Variants in CTNNA3 observed in about 807,000 individuals in gnomAD.
The protein encoded by CTNNA3 is catenin alpha-3.
Under a neutral mutation model 95.7 loss-of-function variants are expected in CTNNA3, and 76 were observed. The ratio of observed to expected loss-of-function variants is 0.79; its 90% CI spans 0.66 to 0.96. CTNNA3 has a LOEUF of 0.96. Among genes scored for constraint, CTNNA3 ranks in the 40% least tolerant of loss-of-function variants. The probability of loss-of-function intolerance (pLI) is 0.00; values close to 1 mark genes in which losing one functional copy is unlikely to be tolerated. For synonymous variants in CTNNA3, 431 were observed against 374.4 expected, an observed-to-expected ratio of 1.15 and a Z score of -1.74; for missense variants, 1,191 against 1,089.8, an observed-to-expected ratio of 1.09 and a Z score of -1.31.
chr10:65,948,293 A>AG (rs1404034676), intron 17 of CTNNA3, among the ~76,000 whole-genome samples: 5 of 150,308 alleles, frequency 3.3e-5, no homozygotes, highest in African/African-American at 1.2e-4. Context: ...AAAAAAAAAA[A>AG]AAAAAAGAAA....
intron 12 of CTNNA3, among the ~76,000 whole-genome samples, chr10:66,299,214 A>G (rs1465235052): frequency 2.0e-5 from 3 of 152,156 alleles, no homozygotes; most frequent in African/African-American, 4.8e-5. Flanking sequence ...TGTTCTCACC[A>G]TCTTAGATGC....
At chr10:67,597,430 A>G (rs564060945) in intron 3 of CTNNA3, among the ~76,000 whole-genome samples, 1 of 152,126 alleles carries the variant, frequency 6.6e-6, no homozygotes, top group South Asian at 2.1e-4. Context: ...CTTTGGATCG[A>G]GCTTTTTGCT....
At chr10:67,310,635 C>T (rs1185394315) in intron 5 of CTNNA3, among the ~76,000 whole-genome samples, 1 of 152,178 alleles carries the variant, frequency 6.6e-6, no homozygotes, top group African/African-American at 2.4e-5. Flanking sequence ...AGGAAACTTA[C>T]AATCATGGCA....
intron 17 of CTNNA3, among the ~76,000 whole-genome samples, chr10:65,922,043 G>C (rs551559498): frequency 5.3e-4 from 81 of 152,242 alleles, no homozygotes; most frequent in African/African-American, 1.9e-3. Flanking sequence ...GGAACTGGAA[G>C]GTCTGGTGAC....
chr10:66,096,786 A>T (rs938700153), intron 14 of CTNNA3, among the ~76,000 whole-genome samples: 10 of 152,014 alleles, frequency 6.6e-5, no homozygotes, highest in African/African-American at 9.7e-5. Flanking sequence ...AGCCTCCCAA[A>T]GTGCTGGGAT....
rs10997666 is a variant in CTNNA3 at position 67,491,552 on chromosome 10, T to C, written c.579+30290A>G. On this transcript the variant is annotated intron_variant, in intron 5 of 17. Coordinates refer to ENST00000433211, the MANE Select transcript of CTNNA3 (RefSeq NM_013266.4). ...CAGGAGGAAAATAATCATGCAGCTG[T>C]AACAGTATATGCAAAGGCATGAAGT... is the stretch of plus-strand genomic sequence containing the variant. 3.2e-3 allele frequency among the ~76,000 whole-genome samples: 481 copies of C among 152,264 alleles called. 2 individuals are homozygous for C. Among genetic ancestry groups the C allele is most frequent in the African/African-American group, 0.011 (465 of 41,562 alleles).
At chr10:67,566,443 G>T (rs1477945394) in intron 3 of CTNNA3, among the ~76,000 whole-genome samples, 1 of 152,050 alleles carries the variant, frequency 6.6e-6, no homozygotes, top group African/African-American at 2.4e-5. Flanking sequence ...CTGGCCATCA[G>T]AGAAATGCAA....
intron 9 of CTNNA3, among the ~76,000 whole-genome samples, chr10:66,728,873 C>A (rs1385601834): frequency 2.0e-5 from 3 of 152,176 alleles, no homozygotes; most frequent in Admixed American, 6.5e-5. Flanking sequence ...CAGGCATGAG[C>A]CATGGCATCC....
At chr10:67,145,056 C>G in intron 7 of CTNNA3, among the ~76,000 whole-genome samples, 1 of 151,996 alleles carries the variant, frequency 6.6e-6, no homozygotes, top group Non-Finnish European at 1.5e-5. Context: ...TAAGCAGGCC[C>G]AAGGAGAAGG....
intron 15 of CTNNA3, among the ~76,000 whole-genome samples, chr10:66,064,803 T>C (rs1161643888): frequency 6.6e-6 from 1 of 152,234 alleles, no homozygotes; most frequent in Non-Finnish European, 1.5e-5. Flanking sequence ...AAAGTAAGCT[T>C]ATGCTTACTT....
At chr10:67,260,946 A>C (rs530474720) in intron 5 of CTNNA3, among the ~76,000 whole-genome samples, 29 of 152,194 alleles carry the variant, frequency 1.9e-4, no homozygotes, top group Non-Finnish European at 3.1e-4. Flanking sequence ...TGGCCTCCCA[A>C]AGTGCTAGGA....
At chr10:67,513,083 G>A (rs560289133) in intron 5 of CTNNA3, among the ~76,000 whole-genome samples, 35 of 152,106 alleles carry the variant, frequency 2.3e-4, no homozygotes, top group Admixed American at 1.7e-3. Context: ...CAGTATATTC[G>A]CATGTATAGA....
chr10:66,116,286 G>A (rs1276865299), intron 13 of CTNNA3, among the ~76,000 whole-genome samples: 3 of 152,038 alleles, frequency 2.0e-5, no homozygotes, highest in African/African-American at 7.2e-5. Context: ...AACTTAATGT[G>A]GAGAATTGTT....
At chr10:67,206,478 G>A (rs993597807) in intron 6 of CTNNA3, among the ~76,000 whole-genome samples, 2 of 152,032 alleles carry the variant, frequency 1.3e-5, no homozygotes, top group East Asian at 1.9e-4. Flanking sequence ...ATATGTAAAT[G>A]TGCAAATGTT....
intron 11 of CTNNA3, among the ~76,000 whole-genome samples, chr10:66,389,724 GGA>G (rs3980751): frequency 0.022 from 3,245 of 145,296 alleles, 75 homozygotes; most frequent in African/African-American, 0.059. Flanking sequence ...ATATATATAT[GGA>G]GAGAGAGAGA....
chr10:66,112,191 C>A (rs1215978650), intron 13 of CTNNA3, among the ~76,000 whole-genome samples: 1 of 152,084 alleles, frequency 6.6e-6, no homozygotes, highest in Non-Finnish European at 1.5e-5. Flanking sequence ...GTTATAGCCA[C>A]CAGAGGGAGA....
intron 3 of CTNNA3, among the ~76,000 whole-genome samples, chr10:67,560,496 A>T (rs560879707): frequency 2.1e-3 from 321 of 152,334 alleles, no homozygotes; most frequent in Non-Finnish European, 3.3e-3. Flanking sequence ...AGCACTAAAC[A>T]TGGAAAGGAA....
intron 16 of CTNNA3, among the ~76,000 whole-genome samples, chr10:65,985,815 T>G (rs2078416009): frequency 6.6e-6 from 1 of 151,458 alleles, no homozygotes; most frequent in Admixed American, 6.6e-5. Flanking sequence ...GTATCCAAAT[T>G]GGAAAGGAGG....
chr10:67,075,500 T>C (rs539892506), intron 7 of CTNNA3, among the ~76,000 whole-genome samples: 2 of 152,196 alleles, frequency 1.3e-5, no homozygotes, highest in South Asian at 4.1e-4. Context: ...AAAGGTGAAG[T>C]TGGAAATACT....
Sources: allele counts gnomAD v4.1 joint callset (sites outside exome capture counted in the v4.1 genomes callset), GRCh38; gene constraint gnomAD v4.1.1; transcripts MANE v1.5; gene names NCBI Gene and HGNC (gene_info 2026-07-23, HGNC 2026-07-21).